CCDC85C: variants seen among roughly 807,000 people sequenced by gnomAD.
The protein encoded by CCDC85C is coiled-coil domain containing 85C, also known as coiled-coil domain-containing protein 85C.
Under a neutral mutation model 38.3 loss-of-function variants are expected in CCDC85C, and 18 were observed. The observed-to-expected ratio is 0.47, with a 90% CI of 0.33 to 0.70. The LOEUF (loss-of-function observed/expected upper bound fraction) is 0.70. Among genes scored for constraint, CCDC85C ranks in the 30% least tolerant of loss-of-function variants. CCDC85C has a pLI of 0.03. For synonymous variants in CCDC85C, 264 were observed against 293.8 expected, an observed-to-expected ratio of 0.90 and a Z score of 1.04; for missense variants, 566 against 621.2, an observed-to-expected ratio of 0.91 and a Z score of 0.94.
chr14:99,561,145 G>A (rs1898109464), intron 1 of CCDC85C, among the ~76,000 whole-genome samples: 1 of 152,216 alleles, frequency 6.6e-6, no homozygotes, highest in Admixed American at 6.5e-5. Flanking sequence ...GCTGCCACAC[G>A]CCTCCAGGGC....
At position 99,545,130 on chromosome 14, in the gene CCDC85C, C is replaced by T. The variant is rs1388881204; in HGVS notation, c.794-9042G>A. ...CGGTCAGCCTTCCCCAGTGAGTGCA[C>T]GCCTGTCCTCTCAGTGTCATCTGTC... On this transcript the variant is annotated intron_variant, in intron 1 of 5. Coordinates refer to ENST00000380243, the MANE Select transcript of CCDC85C (RefSeq NM_001144995.2). The surrounding 1 kb of genome is among the most constrained non-coding windows in gnomAD (Gnocchi z 4.7). Among the ~76,000 whole-genome samples, 3 of 152,192 alleles carry T rather than the reference C, an allele frequency of 2.0e-5. No homozygotes were observed. The South Asian group carries it at 6.2e-4, about 32-fold the overall frequency.
Position 99,566,465 on chromosome 14 carries a change from G to A in CCDC85C, c.794-30377C>T, listed in dbSNP as rs563446455. On this transcript the variant is annotated intron_variant, in intron 1 of 5. Transcript: ENST00000380243. Reference sequence around the variant, plus strand: ...CGGGATCTTCAGGGATACACCCCTGGCCTCCCACCTCTCCTCCCCTCCCCT... The same window carrying A: ...CGGGATCTTCAGGGATACACCCCTGACCTCCCACCTCTCCTCCCCTCCCCT... Among the ~76,000 whole-genome samples, 11 of 152,206 alleles carry A rather than the reference G, an allele frequency of 7.2e-5. No homozygotes were observed. The East Asian group carries it at 1.9e-3, about 27-fold the overall frequency.
chr14:99,585,743 C>G (rs2055019183), intron 1 of CCDC85C, among the ~76,000 whole-genome samples: 1 of 152,196 alleles, frequency 6.6e-6, no homozygotes, highest in African/African-American at 2.4e-5. Context: ...TGCAAAGACC[C>G]TCCCTCTGGG....
At position 99,558,957 on chromosome 14, in the gene CCDC85C, T is replaced by C. The variant is rs1898062080; in HGVS notation, c.794-22869A>G. ...CTTGTGATACAGTTCCTCTGTGATC[T>C]GGTTGTTTAAAGTGTGTGGCTCCTC... On this transcript the variant is annotated intron_variant, in intron 1 of 5. Transcript: ENST00000380243. This position sits in a 1 kb window ranked among gnomAD's most constrained non-coding sequence, Gnocchi z 4.2. Among the ~76,000 whole-genome samples, 1 of 152,174 alleles carries C rather than the reference T, an allele frequency of 6.6e-6. No individual in the cohort carries two copies. Among genetic ancestry groups the C allele is most frequent in the Non-Finnish European group, 1.5e-5 (1 of 68,026 alleles).
intron 1 of CCDC85C, among the ~76,000 whole-genome samples, chr14:99,582,194 C>A (rs1358709578): frequency 6.6e-6 from 1 of 152,050 alleles, no homozygotes; most frequent in Non-Finnish European, 1.5e-5. Flanking sequence ...CAGGCCTGGC[C>A]CCCCATCACT....
At chr14:99,573,124 C>G (rs1300229046) in intron 1 of CCDC85C, 1 of 294,732 alleles carries the variant, frequency 3.4e-6, no homozygotes, top group Non-Finnish European at 6.8e-6. Context: ...AGGCGTGCAG[C>G]TGCCTGGGCA....
At position 99,603,936 on chromosome 14, in the gene CCDC85C, C is replaced by CGCCGTCGCCGCGGGCTTAGCCATGGCGGG; in HGVS notation, c.-6_23dup (p.Ala9ProfsTer17). The CGCCGTCGCCGCGGGCTTAGCCATGGCGGG allele has an allele frequency of 7.1e-7, 1 of 1,410,254 alleles. No individual in the cohort carries two copies. Among genetic ancestry groups the CGCCGTCGCCGCGGGCTTAGCCATGGCGGG allele is most frequent in the Non-Finnish European group, 9.2e-7 (1 of 1,087,610 alleles). 87.4% of individuals were successfully genotyped at this position (1,410,254 alleles called of 1,614,324 possible). On this transcript the variant is annotated frameshift_variant, in exon 1 of 6. Transcript: ENST00000380243. LOFTEE classifies it high-confidence loss of function. This position sits in a 1 kb window ranked among gnomAD's most constrained non-coding sequence, Gnocchi z 7.5. ...GGCTCAGCTCCTCCGACGCCGCCGCCGCCGTCGCCGCGGGCTTAGCCATGG... is the reference window on the plus strand; with the variant it reads ...GGCTCAGCTCCTCCGACGCCGCCGCCGCCGTCGCCGCGGGCTTAGCCATGGCGGGGCCGTCGCCGCGGGCTTAGCCATGG...
chr14:99,518,504 G>A (rs535819986), intron 3 of CCDC85C, among the ~76,000 whole-genome samples: 1 of 152,232 alleles, frequency 6.6e-6, no homozygotes, highest in South Asian at 2.1e-4. Flanking sequence ...TCCAGCCCAG[G>A]CTGTTGGGTC....
intron 1 of CCDC85C, among the ~76,000 whole-genome samples, chr14:99,598,360 C>T (rs539251550): frequency 6.6e-6 from 1 of 152,384 alleles, no homozygotes; most frequent in Admixed American, 6.5e-5. Flanking sequence ...CCACTGATTT[C>T]CTTCTGTATC....
At chr14:99,528,594 C>T (rs1169190927) in intron 2 of CCDC85C, among the ~76,000 whole-genome samples, 1 of 152,172 alleles carries the variant, frequency 6.6e-6, no homozygotes, top group Non-Finnish European at 1.5e-5. Context: ...GAAAAGCAAA[C>T]CTTTGAGAAG....
chr14:99,573,120 G>A (rs1898391488), intron 1 of CCDC85C: 2 of 295,250 alleles, frequency 6.8e-6, no homozygotes, highest in East Asian at 1.6e-4. Context: ...ACTCAGGCGT[G>A]CAGCTGCCTG....
At chr14:99,580,186 T>C in intron 1 of CCDC85C, 2 of 451,048 alleles carry the variant, frequency 4.4e-6, no homozygotes, top group South Asian at 3.1e-5. Context: ...AGAGGCTGGG[T>C]GGCTCAGGTG....
intron 2 of CCDC85C, among the ~76,000 whole-genome samples, chr14:99,528,196 G>A (rs79221537): frequency 0.016 from 2,387 of 152,116 alleles, 65 homozygotes; most frequent in African/African-American, 0.054. Flanking sequence ...CTGCAAACAC[G>A]CCTCCCACCA....
At position 99,572,812 on chromosome 14, in the gene CCDC85C, C is replaced by T; in HGVS notation, c.793+30355G>A. 2.2e-6 allele frequency: 1 copy of T among 456,068 alleles called. No individual in the cohort carries two copies. The highest frequency in any genetic ancestry group is 4.4e-6 in the Non-Finnish European group (1 of 226,790). 28.3% of individuals were successfully genotyped at this position (456,068 alleles called of 1,614,324 possible). On this transcript the variant is annotated intron_variant, in intron 1 of 5. Transcript: ENST00000380243. The surrounding 1 kb of genome is among the most constrained non-coding windows in gnomAD (Gnocchi z 4.4). ...GTCTGTCTTGCTTCATGGAAGTATC[C>T]CAGGAGCATGGAAACGGGGCCTGGT...
chr14:99,596,561 C>T (rs913917066), intron 1 of CCDC85C, among the ~76,000 whole-genome samples: 6 of 152,240 alleles, frequency 3.9e-5, no homozygotes, highest in East Asian at 1.9e-4. Flanking sequence ...CACCCATCCC[C>T]GGCTGACCCG....
At chr14:99,518,624 C>T (rs1350080338) in intron 3 of CCDC85C, among the ~76,000 whole-genome samples, 1 of 152,176 alleles carries the variant, frequency 6.6e-6, no homozygotes, top group East Asian at 1.9e-4. Context: ...ACATACGGCC[C>T]TGGGAGACCT....
chr14:99,560,362 C>T lies in CCDC85C; in HGVS notation c.794-24274G>A, dbSNP rs547454781. 1.1e-4 allele frequency among the ~76,000 whole-genome samples: 16 copies of T among 152,284 alleles called. No individual in the cohort carries two copies. In the East Asian group the frequency reaches 2.7e-3, roughly 26 times the overall value. On this transcript the variant is annotated intron_variant, in intron 1 of 5. Transcript: ENST00000380243. The stretch of plus-strand genomic sequence containing the variant: ...CATGAATCTTCTGGGCCTCAGTTTT[C>T]CCATCTGTAAAATGATACAAACCAC...
rs1252072394 is a variant in CCDC85C, at chr14:99,510,917, C to G, written c.*4329G>C. ...AGTATGGGAAGAATGGACCGGGCCC[C>G]TGGGATAAAATCAGAGTGGTCCTCA... On this transcript the variant is annotated 3_prime_UTR_variant, in exon 6 of 6. Transcript: ENST00000380243. The G allele has an allele frequency of 1.8e-5, 14 of 799,004 alleles. 1 individual carries two copies. Among genetic ancestry groups the G allele is most frequent in the Non-Finnish European group, 2.4e-5 (14 of 579,190 alleles). The allele number at this position is 799,004 out of a possible 1,614,324, so 49.5% of individuals were successfully genotyped here.
intron 1 of CCDC85C, among the ~76,000 whole-genome samples, chr14:99,555,566 A>G (rs1897994720): frequency 6.6e-6 from 1 of 152,240 alleles, no homozygotes; most frequent in African/African-American, 2.4e-5. Flanking sequence ...TGAAATAAAA[A>G]TCCTGAGTCC....
Sources: gnomAD v4.1 joint callset for allele counts (sites outside exome capture counted in the v4.1 genomes callset) on GRCh38, gnomAD v4.1.1 for gene constraint, Gnocchi (gnomAD v3.1) non-coding constraint, MANE v1.5 for transcripts, NCBI Gene and HGNC (gene_info 2026-07-23, HGNC 2026-07-21) for gene names.